NRG3: variants seen among roughly 807,000 people sequenced by gnomAD.
The protein encoded by NRG3 is neuregulin 3.
Under a neutral mutation model 66.9 loss-of-function variants are expected in NRG3, and 31 were observed. The ratio of observed to expected loss-of-function variants is 0.46; its 90% CI spans 0.35 to 0.63. NRG3 has a LOEUF of 0.63. NRG3 is among the 20% of genes least tolerant of loss of function. The pLI, the probability that NRG3 is intolerant of heterozygous loss-of-function variation, is 0.00. For synonymous variants in NRG3, 393 were observed against 359.4 expected, an observed-to-expected ratio of 1.09 and a Z score of -1.06; for missense variants, 910 against 878.9, an observed-to-expected ratio of 1.04 and a Z score of -0.45.
At chr10:82,092,470 C>T (rs2066082323) in intron 1 of NRG3, among the ~76,000 whole-genome samples, 1 of 152,090 alleles carries the variant, frequency 6.6e-6, no homozygotes, top group Admixed American at 6.6e-5. Context: ...GATACCCACC[C>T]ACCCCCTACC....
intron 3 of NRG3, among the ~76,000 whole-genome samples, chr10:82,807,012 C>T (rs917757562): frequency 4.6e-5 from 7 of 152,198 alleles, no homozygotes; most frequent in African/African-American, 1.7e-4. Flanking sequence ...GATGGAATTA[C>T]AGCTTTCCAC....
chr10:82,587,560 T>C (rs1400600567), intron 2 of NRG3, among the ~76,000 whole-genome samples: 1 of 152,144 alleles, frequency 6.6e-6, no homozygotes, highest in East Asian at 1.9e-4. Flanking sequence ...TTTAATGGAG[T>C]TGCACAAGTC....
chr10:82,766,917 T>C (rs1268469212), intron 3 of NRG3, among the ~76,000 whole-genome samples: 2 of 151,232 alleles, frequency 1.3e-5, no homozygotes, highest in Admixed American at 6.6e-5. Flanking sequence ...TATATTTTTC[T>C]TACCTTACTC....
At chr10:82,890,249 C>T (rs1018123699) in intron 4 of NRG3, among the ~76,000 whole-genome samples, 3 of 151,302 alleles carry the variant, frequency 2.0e-5, no homozygotes, top group Non-Finnish European at 4.4e-5. Context: ...GTTGCTTACA[C>T]ATTTGTTATA....
chr10:82,374,667 C>T (rs762962157), intron 2 of NRG3, among the ~76,000 whole-genome samples: 20 of 152,064 alleles, frequency 1.3e-4, no homozygotes, highest in South Asian at 4.2e-4. Flanking sequence ...CCAACAAGGT[C>T]GCAAGTGATG....
chr10:81,995,847 GTTTGT>G (rs552146458), intron 1 of NRG3, among the ~76,000 whole-genome samples: 8 of 151,494 alleles, frequency 5.3e-5, no homozygotes, highest in Non-Finnish European at 7.4e-5. Flanking sequence ...CCTTGATATT[GTTTGT>G]TTTGTTTTGT....
intron 1 of NRG3, among the ~76,000 whole-genome samples, chr10:82,198,629 C>T (rs1412357927): frequency 6.6e-6 from 1 of 152,170 alleles, no homozygotes; most frequent in Non-Finnish European, 1.5e-5. Flanking sequence ...TATTCGCTCA[C>T]TCATTCATTC....
At chr10:81,901,316 A>G (rs1274815273) in intron 1 of NRG3, among the ~76,000 whole-genome samples, 2 of 152,238 alleles carry the variant, frequency 1.3e-5, no homozygotes, top group Admixed American at 6.5e-5. Flanking sequence ...TAAAGTGAAC[A>G]AGGGTTATGT....
At chr10:82,733,164 C>T (rs1036042670) in intron 2 of NRG3, among the ~76,000 whole-genome samples, 6 of 152,046 alleles carry the variant, frequency 3.9e-5, no homozygotes, top group South Asian at 2.1e-4. Flanking sequence ...GTATGTATAC[C>T]TTCTATAGCA....
chr10:82,477,915 T>A (rs1841928684), intron 2 of NRG3, among the ~76,000 whole-genome samples: 1 of 152,214 alleles, frequency 6.6e-6, no homozygotes, highest in East Asian at 1.9e-4. Flanking sequence ...CATCTGAAAC[T>A]ATGGTGAGGC....
chr10:81,894,887 T>C (rs1843380262), intron 1 of NRG3, among the ~76,000 whole-genome samples: 1 of 152,130 alleles, frequency 6.6e-6, no homozygotes, highest in African/African-American at 2.4e-5. Context: ...CTGTTCCCAC[T>C]AATAAGTACC....
intron 1 of NRG3, among the ~76,000 whole-genome samples, chr10:81,944,676 G>T (rs887571491): frequency 2.1e-4 from 32 of 152,100 alleles, no homozygotes; most frequent in African/African-American, 6.8e-4. Flanking sequence ...AATTCATGCT[G>T]AACCTACATA....
chr10:82,733,359 T>C (rs1388793222), intron 2 of NRG3, among the ~76,000 whole-genome samples: 1 of 152,218 alleles, frequency 6.6e-6, no homozygotes. Flanking sequence ...CACTTGTTTT[T>C]CTCCTTCCTA....
chr10:82,887,273 A>G (rs1842805320), intron 4 of NRG3, among the ~76,000 whole-genome samples: 6 of 152,210 alleles, frequency 3.9e-5, no homozygotes, highest in Admixed American at 3.9e-4. Context: ...ATGATTTTAC[A>G]TACCCAAGCA....
At chr10:82,219,260 A>G (rs1417772188) in intron 1 of NRG3, among the ~76,000 whole-genome samples, 1 of 146,910 alleles carries the variant, frequency 6.8e-6, no homozygotes, top group South Asian at 2.3e-4. Flanking sequence ...CAGCTTCTCT[A>G]GCCTCTACAT....
intron 2 of NRG3, among the ~76,000 whole-genome samples, chr10:82,555,419 C>T (rs1261428744): frequency 6.6e-6 from 1 of 152,032 alleles, no homozygotes. Context: ...AATAATCTTA[C>T]CACAATTGTG....
intron 3 of NRG3, among the ~76,000 whole-genome samples, chr10:82,802,722 G>A (rs1429205687): frequency 1.3e-5 from 2 of 151,832 alleles, no homozygotes; most frequent in Non-Finnish European, 2.9e-5. Context: ...GCCTGATCAC[G>A]GCTCACTGAA....
chr10:82,097,553 T>C (rs1164987793), intron 1 of NRG3, among the ~76,000 whole-genome samples: 1 of 151,120 alleles, frequency 6.6e-6, no homozygotes, highest in Non-Finnish European at 1.5e-5. Flanking sequence ...GGCACACCCA[T>C]ATATATAAAG....
At chr10:82,146,926 G>T (rs2070310317) in intron 1 of NRG3, among the ~76,000 whole-genome samples, 1 of 152,156 alleles carries the variant, frequency 6.6e-6, no homozygotes, top group South Asian at 2.1e-4. Flanking sequence ...AGACTGTCTG[G>T]GTCCAGCCAG....
Sources: gnomAD v4.1 joint callset for allele counts (sites outside exome capture counted in the v4.1 genomes callset) on GRCh38, gnomAD v4.1.1 for gene constraint, MANE v1.5 for transcripts, NCBI Gene and HGNC (gene_info 2026-07-23, HGNC 2026-07-21) for gene names.